Variants in YIPF2 observed in about 807,000 individuals in gnomAD.
YIPF2 encodes the protein Yip1 domain family member 2, also known as protein YIPF2.
YIPF2 carries 30 observed loss-of-function variants against 38.8 expected under a neutral mutation model. The ratio of observed to expected loss-of-function variants is 0.77; its 90% CI spans 0.58 to 1.05. YIPF2 has a LOEUF of 1.05. YIPF2 is among the 50% of genes least tolerant of loss of function. The probability of loss-of-function intolerance (pLI) is 0.00; values close to 1 mark genes in which losing one functional copy is unlikely to be tolerated. For missense variants in YIPF2, 401 were observed against 409.7 expected (o/e 0.98, Z 0.18); for synonymous variants, 194 against 183.8 (o/e 1.06, Z -0.45).
At chr19:10,928,344 G>A in intron 2 of YIPF2, 36 bp downstream of exon 2, 2 of 1,331,678 alleles carry the variant, frequency 1.5e-6, no homozygotes, top group Non-Finnish European at 1.9e-6. Context: ...CCCGGGGCGG[G>A]AGTGGGAGAT....
Position 10,923,418 on chromosome 19 carries a change from C to T in YIPF2, c.835-11G>A, listed in dbSNP as rs1251721548. On this transcript the variant is annotated splice_polypyrimidine_tract_variant and intron_variant, in intron 8 of 9. Coordinates refer to ENST00000586748, the MANE Select transcript of YIPF2 (RefSeq NM_001321439.2). ...CTGGAAGAAGTACAACTGCACAAGACCCCTGGGGTCAGAGGCAGGGCCAGC... is the reference window on the plus strand; with the variant it reads ...CTGGAAGAAGTACAACTGCACAAGATCCCTGGGGTCAGAGGCAGGGCCAGC... The T allele has an allele frequency of 1.9e-6, 3 of 1,613,512 alleles. No individual in the cohort carries two copies. Among genetic ancestry groups the T allele is most frequent in the Non-Finnish European group, 1.7e-6 (2 of 1,179,716 alleles).
intron 5 of YIPF2, 26 bp from the exon 6 acceptor site, chr19:10,924,218 T>G: frequency 6.3e-7 from 1 of 1,587,852 alleles, no homozygotes; most frequent in Non-Finnish European, 8.6e-7. Flanking sequence ...ACAGTCAGGG[T>G]CCCGGGCCCT....
In YIPF2 at chr19:10,923,906, C is replaced by A; in HGVS notation, c.578G>T (p.Arg193Leu). The change falls in exon 7 of 10, where the codon CGC becomes CTC. Residue 193 changes from arginine to leucine, a missense_variant. Arg to Leu is a moderately radical substitution (Grantham distance 102, BLOSUM62 -2). Coordinates refer to ENST00000586748, the MANE Select transcript of YIPF2 (RefSeq NM_001321439.2). The stretch of plus-strand genomic sequence containing the variant: ...CTCCAGGAAGGTGTAGGGCCCCATG[C>A]GCTCCTGGACACCCTTGCGCCACCG... The part of the protein sequence containing the change: ...FLRWRKGVQE[R>L]MGPYTFLETV... 6.2e-7 allele frequency: 1 copy of A among 1,612,964 alleles called. No homozygotes were observed. The highest frequency in any genetic ancestry group is 1.1e-5 in the South Asian group (1 of 90,942).
At position 10,923,827 on chromosome 19, in the gene YIPF2, A is replaced by G; in HGVS notation, c.651+6T>C. ...CACCACCCACTCCGCGCCAGGCCACACTCACCACCATGGGGATGAAGACAA... is the reference window on the plus strand; with the variant it reads ...CACCACCCACTCCGCGCCAGGCCACGCTCACCACCATGGGGATGAAGACAA... On this transcript the variant is annotated splice_donor_region_variant and intron_variant, in intron 7 of 9. Coordinates refer to ENST00000586748, the MANE Select transcript of YIPF2 (RefSeq NM_001321439.2). 5 of 1,611,416 alleles carry G rather than the reference A, an allele frequency of 3.1e-6. No individual in the cohort carries two copies. The highest frequency in any genetic ancestry group is 1.1e-5 in the South Asian group (1 of 90,764).
rs1404553717 is a variant in YIPF2, at chr19:10,925,750, T to G, written c.303A>C (p.Ser101=). 6.2e-7 allele frequency: 1 copy of G among 1,613,676 alleles called. No individual in the cohort carries two copies. The highest frequency in any genetic ancestry group is 1.3e-5 in the African/African-American group (1 of 74,898). The change falls in exon 5 of 10, where the codon TCA becomes TCC. Residue 101 remains serine, a synonymous_variant. Transcript: ENST00000586748. ...AGTTGTGGCCAGGCCGGGGCAGCAG[T>G]GAGCCTTTGATCCGGTCCAGGACCT... is the stretch of plus-strand genomic sequence containing the variant. ...TSQVLDRIKG[S]LLPRPGHNFV...
intron 4 of YIPF2, among the ~76,000 whole-genome samples, chr19:10,926,083 G>T (rs2083420768): frequency 6.6e-6 from 1 of 151,304 alleles, no homozygotes; most frequent in African/African-American, 2.4e-5. Context: ...GCTAATAGTT[G>T]TATTTTTAAT....
At position 10,923,639 on chromosome 19, in the gene YIPF2, G is replaced by C; in HGVS notation, c.690C>G (p.Leu230=). 1.9e-6 allele frequency: 3 copies of C among 1,612,474 alleles called. No homozygotes were observed. Residue 230 remains leucine, a synonymous_variant, in exon 8 of 10, where the codon CTC becomes CTG. Coordinates refer to ENST00000586748, the MANE Select transcript of YIPF2 (RefSeq NM_001321439.2). Reference sequence around the variant, plus strand: ...ACAGGCCCAGGGCCAGCGCCCCAAAGAGCCACTGCAGCCAAGGCACAGGGA... The same window carrying C: ...ACAGGCCCAGGGCCAGCGCCCCAAACAGCCACTGCAGCCAAGGCACAGGGA... ...WLIPVPWLQW[L]FGALALGLSA... is the part of the protein sequence containing the mutation.
In YIPF2 at chr19:10,925,688, T is replaced by C. The variant is rs1385190716; in HGVS notation, c.365A>G (p.Tyr122Cys). 1.2e-6 allele frequency: 2 copies of C among 1,614,014 alleles called. No individual in the cohort carries two copies. The highest frequency in any genetic ancestry group is 1.1e-5 in the South Asian group (1 of 91,084). ...RHHLRNRPDLYGPFWICATLA... is the reference protein window; with the variant it reads ...RHHLRNRPDLCGPFWICATLA... ...ACCAAATGCACAACCTCACTCACCA[T>C]ACAGATCCGGCCGATTCCGCAGATG... The change falls in exon 5 of 10, where the codon TAT becomes TGT. Residue 122 changes from tyrosine to cysteine, a missense_variant and splice_region_variant. Physicochemically the swap from Tyr to Cys is radical, Grantham distance 194. Coordinates refer to ENST00000586748, the MANE Select transcript of YIPF2 (RefSeq NM_001321439.2).
At chr19:10,927,752 G>A (rs1194390194) in intron 3 of YIPF2, 36 bp from the exon 4 acceptor site, 9 of 1,611,218 alleles carry the variant, frequency 5.6e-6, no homozygotes, top group Non-Finnish European at 6.8e-6. Context: ...TGCCCGGAGA[G>A]CCTGGGTCAG....
Position 10,923,310 on chromosome 19 carries a change from T to G in YIPF2, c.932A>C (p.Gln311Pro). ...GCCTTCCTAGGAGGGGGCCAGGGAC[T>G]GCGGCAAGGTAGGGGACAGCGCGAT... ...SNIALSPTLP[Q>P]SLAPS Residue 311 changes from glutamine (Q) to proline (P), a missense_variant, in exon 9 of 10, where the codon CAG becomes CCG. By Grantham distance (76) the Gln-to-Pro change is moderately conservative. Coordinates refer to ENST00000586748, the MANE Select transcript of YIPF2 (RefSeq NM_001321439.2). 1 of 1,611,630 alleles carries G rather than the reference T, an allele frequency of 6.2e-7. No homozygotes were observed. The highest frequency in any genetic ancestry group is 8.5e-7 in the Non-Finnish European group (1 of 1,179,028).
chr19:10,926,636 C>T (rs1286015689), intron 4 of YIPF2, among the ~76,000 whole-genome samples: 1 of 151,556 alleles, frequency 6.6e-6, no homozygotes, highest in African/African-American at 2.4e-5. Flanking sequence ...AAGTGATTCT[C>T]GAGCCTCAGA....
At position 10,922,514 on chromosome 19, in the gene YIPF2, G is replaced by A. The variant is rs1205172567; in HGVS notation, c.*680C>T. On this transcript the variant is annotated 3_prime_UTR_variant, in exon 10 of 10. Coordinates refer to ENST00000586748, the MANE Select transcript of YIPF2 (RefSeq NM_001321439.2). ...TAGAGCAGGTGGCTGCAGGCCTTGGGCCCGGAGGGAAGGCCACTGCCGGCC... is the reference window on the plus strand; with the variant it reads ...TAGAGCAGGTGGCTGCAGGCCTTGGACCCGGAGGGAAGGCCACTGCCGGCC... 6.6e-6 allele frequency: 1 copy of A among 150,388 alleles called. No individual in the cohort carries two copies. The highest frequency in any genetic ancestry group is 1.5e-5 in the Non-Finnish European group (1 of 67,690). The allele number at this position is 150,388 out of a possible 1,614,324, so 9.3% of individuals were successfully genotyped here. A position where few individuals can be genotyped will look rare whatever the true frequency, so the allele number is the denominator to read the frequency against.
At chr19:10,926,257 C>T (rs1459698491) in intron 4 of YIPF2, among the ~76,000 whole-genome samples, 2 of 148,672 alleles carry the variant, frequency 1.3e-5, no homozygotes, top group Non-Finnish European at 3.0e-5. Flanking sequence ...GACGGAGTCT[C>T]GCTCTGTCAC....
At chr19:10,928,163 T>A (rs1434032240) in intron 2 of YIPF2, among the ~76,000 whole-genome samples, 1 of 146,860 alleles carries the variant, frequency 6.8e-6, no homozygotes, top group African/African-American at 2.6e-5. Context: ...AACTTAGGGT[T>A]GACGCTGGGA....
chr19:10,923,433 G>C, intron 8 of YIPF2, 26 bp from the exon 9 acceptor site: 1 of 1,613,344 alleles, frequency 6.2e-7, no homozygotes, highest in Non-Finnish European at 8.5e-7. Context: ...GGGGTCAGAG[G>C]CAGGGCCAGC....
In YIPF2 at chr19:10,923,344, G is replaced by A. The variant is rs1177026657; in HGVS notation, c.898C>T (p.Pro300Ser). 1 of 1,613,168 alleles carries A rather than the reference G, an allele frequency of 6.2e-7. No homozygotes were observed. Among genetic ancestry groups the A allele is most frequent in the East Asian group, 2.2e-5 (1 of 44,890 alleles). ...VAPPPQITSL[P>S]SNIALSPTLP... ...GTAGGGGACAGCGCGATGTTTGAGG[G>A]CAGAGATGTGATTTGGGGTGGAGGA... The change falls in exon 9 of 10, where the codon CCC (proline) becomes TCC (serine). Residue 300 changes from proline to serine, a missense_variant. Physicochemically the swap from Pro to Ser is moderately conservative, Grantham distance 74. Coordinates refer to ENST00000586748, the MANE Select transcript of YIPF2 (RefSeq NM_001321439.2).
chr19:10,926,450 T>C (rs1259033104), intron 4 of YIPF2, among the ~76,000 whole-genome samples: 2 of 148,864 alleles, frequency 1.3e-5, no homozygotes, highest in African/African-American at 5.0e-5. Context: ...ATGGTCTCGA[T>C]CTCCTGACCT....
chr19:10,925,489 A>C (rs2083408578), intron 5 of YIPF2, among the ~76,000 whole-genome samples, 197 bp downstream of exon 5: 2 of 151,866 alleles, frequency 1.3e-5, no homozygotes, highest in African/African-American at 4.8e-5. Context: ...GCAGAACTGC[A>C]GGGCCACTCC....
intron 4 of YIPF2, among the ~76,000 whole-genome samples, chr19:10,927,412 T>A (rs920109396): frequency 8.5e-5 from 13 of 152,114 alleles, no homozygotes; most frequent in Admixed American, 3.3e-4. Flanking sequence ...CTCAGCCAAT[T>A]CCTCACCTCC....
Sources: gnomAD v4.1 joint callset for allele counts (sites outside exome capture counted in the v4.1 genomes callset) on GRCh38, gnomAD v4.1.1 for gene constraint, MANE v1.5 for transcripts, NCBI Gene and HGNC (gene_info 2026-07-23, HGNC 2026-07-21) for gene names.